APBB1: variants seen among roughly 807,000 people sequenced by gnomAD.
APBB1 encodes the protein amyloid beta precursor protein binding family B member 1, also known as adaptor protein FE65a2.
In APBB1, 22 loss-of-function variants were observed where a neutral mutation model predicts 78.4. That is an observed-to-expected ratio of 0.28 (90% CI 0.20 to 0.40). APBB1 has a LOEUF of 0.40. APBB1 is among the 10% of genes least tolerant of loss of function. The pLI is 1.00. For synonymous variants in APBB1, 369 were observed against 372.7 expected (o/e 0.99, Z 0.12); for missense variants, 749 against 932.4 (o/e 0.80, Z 2.56).
At chr11:6,400,403 G>A (rs974334747) in intron 12 of APBB1, among the ~76,000 whole-genome samples, 4 of 152,140 alleles carry the variant, frequency 2.6e-5, no homozygotes, top group Non-Finnish European at 4.4e-5. Flanking sequence ...TTAACCAGGC[G>A]TGGTGGCGGG....
At position 6,403,563 on chromosome 11, in the gene APBB1, G is replaced by A. The variant is rs368386293; in HGVS notation, c.898-19C>T. On this transcript the variant is annotated intron_variant, in intron 3 of 14. Coordinates refer to ENST00000609360, the MANE Select transcript of APBB1 (RefSeq NM_001164.5). This position sits in a 1 kb window ranked among gnomAD's most constrained non-coding sequence, Gnocchi z 5.3. Reference sequence around the variant, plus strand: ...AGGTGAGCTAGGAGGAGGGATGGGAGTAGTGAGTGAGTGTCCTATCCTACT... The same window carrying A: ...AGGTGAGCTAGGAGGAGGGATGGGAATAGTGAGTGAGTGTCCTATCCTACT... The A allele has an allele frequency of 9.3e-6, 15 of 1,614,174 alleles. No homozygotes were observed. In the East Asian group the frequency reaches 3.3e-4, roughly 36 times the overall value.
Position 6,402,029 on chromosome 11 carries a change from G to C in APBB1, c.1383-47C>G, listed in dbSNP as rs1388198208. ...AGGCAAATAACAGAGTTAGAGAGGAGGACTCTGATGCTGGATGAACTCCCA... is the reference window on the plus strand; with the variant it reads ...AGGCAAATAACAGAGTTAGAGAGGACGACTCTGATGCTGGATGAACTCCCA... On this transcript the variant is annotated intron_variant, in intron 8 of 14. Coordinates refer to ENST00000609360, the MANE Select transcript of APBB1 (RefSeq NM_001164.5). The C allele has an allele frequency of 1.9e-6, 3 of 1,605,476 alleles. No individual in the cohort carries two copies. In the African/African-American group the frequency reaches 4.0e-5, roughly 21 times the overall value.
chr11:6,396,704 C>G (rs980404771), intron 12 of APBB1: 1 of 156,708 alleles, frequency 6.4e-6, no homozygotes, highest in Non-Finnish European at 1.4e-5. Flanking sequence ...CATTTGTGCC[C>G]ACACAACAAC....
At position 6,395,187 on chromosome 11, in the gene APBB1, A is replaced by T; in HGVS notation, c.*347T>A. 4.0e-6 allele frequency: 1 copy of T among 253,026 alleles called. No homozygotes were observed. The highest frequency in any genetic ancestry group is 7.6e-6 in the Non-Finnish European group (1 of 131,616). The allele number at this position is 253,026 out of a possible 1,614,324, so 15.7% of individuals were successfully genotyped here. The stretch of plus-strand genomic sequence containing the variant: ...CAGAGGTGCCCATGGAGCAGGGGGA[A>T]GGGACCCATGCCTGGACCAGTCCCT... On this transcript the variant is annotated 3_prime_UTR_variant, in exon 15 of 15. Transcript: ENST00000609360. This position sits in a 1 kb window ranked among gnomAD's most constrained non-coding sequence, Gnocchi z 5.2.
chr11:6,411,248 G>C lies in APBB1; in HGVS notation c.100C>G (p.Gln34Glu). Residue 34 changes from glutamine to glutamate, a missense_variant, in exon 2 of 15, where the codon CAG becomes GAG. By Grantham distance (29) the Gln-to-Glu change is conservative (BLOSUM62 2). Coordinates refer to ENST00000609360, the MANE Select transcript of APBB1 (RefSeq NM_001164.5). The surrounding 1 kb of genome is among the most constrained non-coding windows in gnomAD (Gnocchi z 5.2). ...GCCTGCAGCTTGGCGTTGAGCAGCT[G>C]GTTGTGGGCAGCGTGCAGAGGCAGG... ...LPLPLHAAHN[Q>E]LLNAKLQATA... 6.2e-7 allele frequency: 1 copy of C among 1,607,084 alleles called. No homozygotes were observed. The highest frequency in any genetic ancestry group is 1.3e-5 in the African/African-American group (1 of 75,010).
Position 6,411,036 on chromosome 11 carries a change from C to T in APBB1, c.312G>A (p.Glu104=), listed in dbSNP as rs1848951027. ...GGCCTTTGGGGCCCAAGGGTGCCAT[C>T]TCAGGCTCCTGGCTGGCCTCCTCCG... ...TLAEEASQEP[E]MAPLGPKGLI... is the part of the protein sequence containing the mutation. The change falls in exon 2 of 15, where the codon GAG becomes GAA. Residue 104 remains glutamate (E), a synonymous_variant. Transcript: ENST00000609360. The surrounding 1 kb of genome is among the most constrained non-coding windows in gnomAD (Gnocchi z 5.2). 1.9e-6 allele frequency: 3 copies of T among 1,613,998 alleles called. No homozygotes were observed. The highest frequency in any genetic ancestry group is 2.5e-6 in the Non-Finnish European group (3 of 1,180,050).
chr11:6,413,598 G>A (rs1398580082), intron 1 of APBB1, among the ~76,000 whole-genome samples: 2 of 151,262 alleles, frequency 1.3e-5, no homozygotes, highest in Middle Eastern at 3.3e-3. Context: ...GATTATAGGT[G>A]CCCACCACCA....
intron 12 of APBB1, among the ~76,000 whole-genome samples, chr11:6,398,052 T>C (rs1016036603): frequency 1.3e-5 from 2 of 152,164 alleles, no homozygotes; most frequent in Non-Finnish European, 2.9e-5. Context: ...CTGTGGGAGA[T>C]GGAGCCTGGC....
intron 12 of APBB1, among the ~76,000 whole-genome samples, chr11:6,398,667 C>T (rs989478721): frequency 1.3e-4 from 20 of 152,154 alleles, no homozygotes; most frequent in African/African-American, 3.6e-4. Flanking sequence ...AAAGCAAAGG[C>T]GTAAGGGTCA....
chr11:6,405,325 C>T, intron 2 of APBB1: 2 of 987,726 alleles, frequency 2.0e-6, no homozygotes, highest in Non-Finnish European at 2.4e-6. Context: ...CTTTGAGGTC[C>T]TGAGCCCCAG....
intron 2 of APBB1, chr11:6,405,200 T>G: frequency 9.1e-7 from 1 of 1,103,012 alleles, no homozygotes; most frequent in Middle Eastern, 4.1e-4. Flanking sequence ...ATACCCCAGC[T>G]GCCTGGGGCC....
chr11:6,405,465 A>G (rs911607496), intron 2 of APBB1: 2 of 986,658 alleles, frequency 2.0e-6, no homozygotes, highest in Middle Eastern at 5.2e-4. Context: ...CAGACTGCTG[A>G]CGTGCTTCCC....
At position 6,395,229 on chromosome 11, in the gene APBB1, GC is replaced by G. The variant is rs1230425509; in HGVS notation, c.*304del. 12 of 305,540 alleles carry G rather than the reference GC, an allele frequency of 3.9e-5. 1 individual carries two copies. The South Asian group carries it at 9.4e-4, about 24-fold the overall frequency. 18.9% of individuals were successfully genotyped at this position (305,540 alleles called of 1,614,324 possible). ...CCAGTCCCTTCCTCCTTCTGCCCCT[GC>G]TGGGTCCAGGAGGATGAGGCCTGGC... is the stretch of plus-strand genomic sequence containing the variant. On this transcript the variant is annotated 3_prime_UTR_variant, in exon 15 of 15. Transcript: ENST00000609360. The surrounding 1 kb of genome is among the most constrained non-coding windows in gnomAD (Gnocchi z 5.2).
intron 1 of APBB1, among the ~76,000 whole-genome samples, chr11:6,415,241 G>A (rs1476430605): frequency 6.6e-6 from 1 of 152,216 alleles, no homozygotes; most frequent in African/African-American, 2.4e-5. Flanking sequence ...CCTCGGGGCA[G>A]GAAGTGAAAG....
At chr11:6,404,744 CCTGCG>C (rs1564941469) in intron 2 of APBB1, 9 of 1,536,398 alleles carry the variant, frequency 5.9e-6, no homozygotes, top group Non-Finnish European at 7.8e-6. Flanking sequence ...CTGCCCCTCA[CCTGCG>C]CTGCTGTCCT....
intron 6 of APBB1, 135 bp from the exon 7 acceptor site, chr11:6,402,860 G>T (rs1397218337): frequency 5.2e-6 from 6 of 1,159,972 alleles, no homozygotes; most frequent in Non-Finnish European, 7.3e-6. Context: ...TGTGGTTAGG[G>T]AGAGGGGGAT....
intron 2 of APBB1, among the ~76,000 whole-genome samples, chr11:6,407,975 T>TAG (rs1848858274): frequency 7.9e-5 from 12 of 151,806 alleles, no homozygotes; most frequent in African/African-American, 2.7e-4. Context: ...GAGACGGGGT[T>TAG]TCACCTTGTT....
intron 12 of APBB1, among the ~76,000 whole-genome samples, chr11:6,398,668 G>GT (rs1241965912): frequency 1.3e-5 from 2 of 152,180 alleles, no homozygotes; most frequent in Non-Finnish European, 2.9e-5. Context: ...AAGCAAAGGC[G>GT]TAAGGGTCAG....
chr11:6,402,466 C>A, intron 7 of APBB1, 110 bp downstream of exon 7: 1 of 1,294,980 alleles, frequency 7.7e-7, no homozygotes, highest in Non-Finnish European at 1.1e-6. Flanking sequence ...TTAGGATGGG[C>A]CAATATCCCC....
Sources: gnomAD v4.1 joint callset for allele counts (sites outside exome capture counted in the v4.1 genomes callset) on GRCh38, gnomAD v4.1.1 for gene constraint, Gnocchi (gnomAD v3.1) non-coding constraint, MANE v1.5 for transcripts, NCBI Gene and HGNC (gene_info 2026-07-23, HGNC 2026-07-21) for gene names.